Variants in PRKN observed in about 807,000 individuals in gnomAD.
PRKN encodes parkin RBR E3 ubiquitin protein ligase, also known as E3 ubiquitin-protein ligase parkin.
Under a neutral mutation model 59.5 loss-of-function variants are expected in PRKN, and 56 were observed. The ratio of observed to expected loss-of-function variants is 0.94; its 90% confidence interval spans 0.76 to 1.18. PRKN has a LOEUF of 1.18. PRKN is among the 50% of genes most tolerant of loss of function. The probability of loss-of-function intolerance (pLI) is 0.00; values close to 1 mark genes in which losing one functional copy is unlikely to be tolerated. For missense variants in PRKN, 657 were observed against 596.4 expected (o/e 1.10, Z -1.06); for synonymous variants, 250 against 222.1 (o/e 1.13, Z -1.12).
At chr6:162,569,382 G>C in intron 1 of PRKN, 1 of 659,314 alleles carries the variant, frequency 1.5e-6, no homozygotes, top group Non-Finnish European at 2.9e-6. Context: ...GACATGGCGT[G>C]GCAGCTGCAT....
At chr6:162,613,490 A>C (rs1159477768) in intron 1 of PRKN, among the ~76,000 whole-genome samples, 1 of 152,212 alleles carries the variant, frequency 6.6e-6, no homozygotes, top group East Asian at 1.9e-4. Flanking sequence ...GTCACTTTAC[A>C]GGCAGCCACA....
chr6:161,743,699 C>T (rs368682988), intron 7 of PRKN, among the ~76,000 whole-genome samples: 33 of 152,066 alleles, frequency 2.2e-4, no homozygotes, highest in African/African-American at 7.5e-4. Context: ...ACCGTGAGCC[C>T]CGAGGAAGGC....
intron 1 of PRKN, among the ~76,000 whole-genome samples, chr6:162,473,268 T>C (rs1262289484): frequency 2.0e-5 from 3 of 152,204 alleles, no homozygotes; most frequent in Non-Finnish European, 4.4e-5. Context: ...AGTAGTTTTA[T>C]TTCTGTTTGC....
intron 1 of PRKN, among the ~76,000 whole-genome samples, chr6:162,491,039 G>A (rs767182175): frequency 6.6e-6 from 1 of 151,764 alleles, no homozygotes; most frequent in Non-Finnish European, 1.5e-5. Flanking sequence ...GGAGGCGGGG[G>A]TTGTGGTGAT....
At chr6:161,408,443 G>A (rs200376387) in intron 9 of PRKN, among the ~76,000 whole-genome samples, 2 of 148,012 alleles carry the variant, frequency 1.4e-5, no homozygotes, top group East Asian at 4.0e-4. Flanking sequence ...AAAATCCCAT[G>A]TCCAGCCACG....
At position 161,460,534 on chromosome 6, in the gene PRKN, G is replaced by A. The variant is rs897731693; in HGVS notation, c.1084-73657C>T. On this transcript the variant is annotated intron_variant, in intron 9 of 11. Coordinates refer to ENST00000366898, the MANE Select transcript of PRKN (RefSeq NM_004562.3). This position sits in a 1 kb window ranked among gnomAD's most constrained non-coding sequence, Gnocchi z 5.0. ...GTGATCACTTGGGTTTGGGGAAGGA[G>A]ACATGCTGGTAGGTAAGGAGCAATG... is the stretch of plus-strand genomic sequence containing the variant. Among the ~76,000 whole-genome samples, 5 of 152,136 alleles carry A rather than the reference G, an allele frequency of 3.3e-5. No homozygotes were observed. Among genetic ancestry groups the A allele is most frequent in the Admixed American group, 1.3e-4 (2 of 15,276 alleles).
At chr6:162,545,612 T>C (rs1229511688) in intron 1 of PRKN, among the ~76,000 whole-genome samples, 1 of 152,204 alleles carries the variant, frequency 6.6e-6, no homozygotes, top group Non-Finnish European at 1.5e-5. Flanking sequence ...TTTCAAGTTA[T>C]AATTATGTTA....
At chr6:161,723,971 T>C (rs1278148511) in intron 7 of PRKN, among the ~76,000 whole-genome samples, 1 of 152,200 alleles carries the variant, frequency 6.6e-6, no homozygotes, top group Non-Finnish European at 1.5e-5. Flanking sequence ...TACAGCTCCT[T>C]CCACTGTGAG....
chr6:162,443,553 C>A, intron 1 of PRKN, 80 bp from the exon 2 acceptor site: 1 of 1,298,686 alleles, frequency 7.7e-7, no homozygotes, highest in Non-Finnish European at 1.1e-6. Context: ...CATTTCTCAA[C>A]CGATTTACCC....
intron 1 of PRKN, among the ~76,000 whole-genome samples, chr6:162,527,438 T>C (rs1778332445): frequency 6.6e-6 from 1 of 152,126 alleles, no homozygotes; most frequent in African/African-American, 2.4e-5. Context: ...AAAGGTTGAA[T>C]AAAAAATTAT....
intron 7 of PRKN, among the ~76,000 whole-genome samples, chr6:161,622,569 A>G (rs919161587): frequency 3.3e-5 from 5 of 152,104 alleles, no homozygotes; most frequent in Admixed American, 1.3e-4. Flanking sequence ...CTTGTCATGG[A>G]CACAGGTCTT....
chr6:162,240,278 T>A (rs1352418992), intron 3 of PRKN, among the ~76,000 whole-genome samples: 2 of 152,182 alleles, frequency 1.3e-5, no homozygotes, highest in African/African-American at 4.8e-5. Context: ...CAATAAGTGT[T>A]TTCGAAGACT....
intron 5 of PRKN, 51 bp from the exon 6 acceptor site, chr6:161,973,468 T>A (rs1780905270): frequency 1.0e-6 from 1 of 987,264 alleles, no homozygotes. Context: ...CTGCTCATTT[T>A]TCCTCTAAAT....
Position 161,473,576 on chromosome 6 carries a change from G to A in PRKN, c.1083+75278C>T, listed in dbSNP as rs771364051. Among the ~76,000 whole-genome samples, 11 of 151,800 alleles carry A rather than the reference G, an allele frequency of 7.2e-5. No individual in the cohort carries two copies. The highest frequency in any genetic ancestry group is 1.5e-4 in the Non-Finnish European group (10 of 67,976). ...AAAATGGTGGTTACCGGAAGTGGTG[G>A]GGGGAATTGTGGCAGAAAATGGGGA... On this transcript the variant is annotated intron_variant, in intron 9 of 11. Coordinates refer to ENST00000366898, the MANE Select transcript of PRKN (RefSeq NM_004562.3). This position sits in a 1 kb window ranked among gnomAD's most constrained non-coding sequence, Gnocchi z 4.1.
intron 1 of PRKN, among the ~76,000 whole-genome samples, chr6:162,698,550 T>A (rs1013586296): frequency 6.6e-6 from 1 of 152,158 alleles, no homozygotes; most frequent in African/African-American, 2.4e-5. Context: ...AGGCTTCATT[T>A]TCCTCTTTCC....
intron 7 of PRKN, among the ~76,000 whole-genome samples, chr6:161,774,899 A>G (rs1272451366): frequency 1.3e-5 from 2 of 152,212 alleles, no homozygotes; most frequent in African/African-American, 2.4e-5. Context: ...AGGAAGTTTG[A>G]TTTAATTTCA....
chr6:161,915,892 G>C (rs1778537194), intron 6 of PRKN, among the ~76,000 whole-genome samples: 1 of 152,140 alleles, frequency 6.6e-6, no homozygotes, highest in African/African-American at 2.4e-5. Context: ...CCATCAAACT[G>C]AACAATGTAT....
chr6:161,851,827 C>T lies in PRKN; in HGVS notation c.735-65919G>A, dbSNP rs191337714. ...GTGGGCCAGGTGCAGTGGCTCACGC[C>T]TGTAATCCCAGCACTTTTGGAGGCC... On this transcript the variant is annotated intron_variant, in intron 6 of 11. Transcript: ENST00000366898. Among the ~76,000 whole-genome samples, 819 of 151,674 alleles carry T rather than the reference C, an allele frequency of 5.4e-3. 3 individuals carry two copies. The highest frequency in any genetic ancestry group is 8.7e-3 in the Non-Finnish European group (594 of 67,898).
At chr6:162,480,017 A>G (rs1792221249) in intron 1 of PRKN, among the ~76,000 whole-genome samples, 1 of 151,854 alleles carries the variant, frequency 6.6e-6, no homozygotes, top group Admixed American at 6.6e-5. Context: ...GTGGGCCAAG[A>G]TTGTGCCACT....
Sources: gnomAD v4.1 joint callset for allele counts (sites outside exome capture counted in the v4.1 genomes callset) on GRCh38, gnomAD v4.1.1 for gene constraint, Gnocchi (gnomAD v3.1) non-coding constraint, MANE v1.5 for transcripts, NCBI Gene and HGNC (gene_info 2026-07-23, HGNC 2026-07-21) for gene names.